CNTNAP5: variants seen among roughly 807,000 people sequenced by gnomAD.
The protein encoded by CNTNAP5 is contactin-associated protein-like 5.
In CNTNAP5, 72 loss-of-function variants were observed where a neutral mutation model predicts 150.2. That is an observed-to-expected ratio of 0.48 (90% CI 0.40 to 0.58). CNTNAP5 has a LOEUF of 0.58. Ranked by LOEUF, CNTNAP5 falls within the 20% of genes least tolerant of loss-of-function variation. The probability of loss-of-function intolerance (pLI) is 0.00; values close to 1 mark genes in which losing one functional copy is unlikely to be tolerated. For missense variants in CNTNAP5, 1,636 were observed against 1,626.2 expected, an observed-to-expected ratio of 1.01 and a Z score of -0.10; for synonymous variants, 672 against 619.8, an observed-to-expected ratio of 1.08 and a Z score of -1.25.
intron 21 of CNTNAP5, among the ~76,000 whole-genome samples, chr2:124,872,352 T>C (rs1677766245): frequency 1.3e-5 from 2 of 150,926 alleles, no homozygotes; most frequent in African/African-American, 2.4e-5. Flanking sequence ...AAATTTTTCC[T>C]GTGGTAACTT....
chr2:124,510,321 C>CTATATATATATATCTATATATA lies in CNTNAP5; in HGVS notation c.1327+5768_1327+5769insATATATATATCTATATATATAT, dbSNP rs1403460082. 6.0e-4 allele frequency among the ~76,000 whole-genome samples: 24 copies of CTATATATATATATCTATATATA among 40,070 alleles called. No homozygotes were observed. In the East Asian group the frequency reaches 0.014, roughly 23 times the overall value. 26.3% of individuals were successfully genotyped at this position (40,070 alleles called of 152,430 possible). ...TATATCTATATATATATCTATATAT[C>CTATATATATATATCTATATATA]TATCTATATATATATCTCCATATGT... is the stretch of plus-strand genomic sequence containing the variant. On this transcript the variant is annotated intron_variant, in intron 8 of 23. Coordinates refer to ENST00000682447, the MANE Select transcript of CNTNAP5 (RefSeq NM_001367498.1).
At chr2:124,124,255 T>C (rs938732612) in intron 1 of CNTNAP5, among the ~76,000 whole-genome samples, 5 of 152,078 alleles carry the variant, frequency 3.3e-5, no homozygotes, top group African/African-American at 7.2e-5. Flanking sequence ...ACGAGAACTA[T>C]GTGACGCATG....
chr2:124,697,603 C>T (rs1679430016), intron 13 of CNTNAP5, among the ~76,000 whole-genome samples: 1 of 129,058 alleles, frequency 7.7e-6, no homozygotes, highest in African/African-American at 3.0e-5. Context: ...AAGGACATCC[C>T]TTAGTTTGAA....
chr2:124,522,139 A>G (rs1415598278), intron 8 of CNTNAP5, among the ~76,000 whole-genome samples: 1 of 152,160 alleles, frequency 6.6e-6, no homozygotes, highest in African/African-American at 2.4e-5. Flanking sequence ...TGTTTCTCCC[A>G]GGGCAGCCTC....
At chr2:124,336,256 C>G (rs955914850) in intron 3 of CNTNAP5, among the ~76,000 whole-genome samples, 1 of 151,836 alleles carries the variant, frequency 6.6e-6, no homozygotes. Flanking sequence ...GTCTTCCCTC[C>G]CTAAAGGGGT....
chr2:124,895,513 A>G (rs1224155857), intron 21 of CNTNAP5, among the ~76,000 whole-genome samples: 1 of 151,514 alleles, frequency 6.6e-6, no homozygotes, highest in Non-Finnish European at 1.5e-5. Flanking sequence ...GTAGTCCCTG[A>G]CACTGGGTTG....
At position 124,087,164 on chromosome 2, in the gene CNTNAP5, C is replaced by T. The variant is rs543488596; in HGVS notation, c.82+61432C>T. On this transcript the variant is annotated intron_variant, in intron 1 of 23. Transcript: ENST00000682447. ...CTCTGCATACACTTAGACTTAGAAG[C>T]ACATTATACGACATTACAATGTTTG... is the stretch of plus-strand genomic sequence containing the variant. Among the ~76,000 whole-genome samples, 10 of 151,848 alleles carry T rather than the reference C, an allele frequency of 6.6e-5. No homozygotes were observed. The South Asian group carries it at 1.5e-3, about 22-fold the overall frequency.
intron 3 of CNTNAP5, among the ~76,000 whole-genome samples, chr2:124,329,335 C>T (rs930898535): frequency 5.9e-5 from 9 of 152,242 alleles, no homozygotes; most frequent in African/African-American, 1.7e-4. Context: ...AAGACTCTTA[C>T]GAAGCAATTT....
intron 7 of CNTNAP5, among the ~76,000 whole-genome samples, chr2:124,491,298 C>T (rs1450964726): frequency 2.6e-5 from 4 of 152,060 alleles, no homozygotes; most frequent in African/African-American, 9.7e-5. Flanking sequence ...CACATATTTG[C>T]CTTTCTATGT....
At chr2:124,349,041 T>C (rs895650068) in intron 3 of CNTNAP5, among the ~76,000 whole-genome samples, 1 of 152,220 alleles carries the variant, frequency 6.6e-6, no homozygotes, top group Admixed American at 6.5e-5. Flanking sequence ...TGAACTTAAC[T>C]AGTAGAGATT....
intron 13 of CNTNAP5, among the ~76,000 whole-genome samples, chr2:124,744,661 G>T (rs1053716528): frequency 1.3e-5 from 2 of 152,088 alleles, no homozygotes; most frequent in Non-Finnish European, 2.9e-5. Context: ...TAAAATATTT[G>T]TAATCATGCT....
intron 13 of CNTNAP5, among the ~76,000 whole-genome samples, chr2:124,711,696 CCAG>C (rs1195045456): frequency 2.0e-5 from 3 of 152,020 alleles, no homozygotes; most frequent in Non-Finnish European, 4.4e-5. Context: ...AAAAAATTAG[CCAG>C]GCAGGGTGGC....
Position 124,481,795 on chromosome 2 carries a change from T to C in CNTNAP5, c.1062+6913T>C, listed in dbSNP as rs1340554085. Among the ~76,000 whole-genome samples the C allele has an allele frequency of 2.0e-5, 3 of 152,348 alleles. No homozygotes were observed. The East Asian group carries it at 5.8e-4, about 29-fold the overall frequency. ...TCTACTGTGTTAAAATTTGAGTTGT[T>C]TGAATTTTTTTCTGCCAAAAATAAT... On this transcript the variant is annotated intron_variant, in intron 7 of 23. Transcript: ENST00000682447.
chr2:124,145,812 T>TAAAAAAAAAAAAAAAAGAAA (rs1684230484), intron 1 of CNTNAP5, among the ~76,000 whole-genome samples: 1 of 64,196 alleles, frequency 1.6e-5, no homozygotes, highest in East Asian at 4.6e-4. Flanking sequence ...AAAAAAACAT[T>TAAAAAAAAAAAAAAAAGAAA]AAAAAAAAAA....
At chr2:124,394,254 C>A (rs1278933648) in intron 3 of CNTNAP5, among the ~76,000 whole-genome samples, 2 of 151,656 alleles carry the variant, frequency 1.3e-5, no homozygotes, top group Non-Finnish European at 2.9e-5. Flanking sequence ...CAACTGTAAT[C>A]CCAGCTACTC....
At chr2:124,093,860 A>G (rs929304356) in intron 1 of CNTNAP5, among the ~76,000 whole-genome samples, 1 of 152,232 alleles carries the variant, frequency 6.6e-6, no homozygotes, top group Non-Finnish European at 1.5e-5. Context: ...TGTATTAATG[A>G]TATCGCAGCC....
chr2:124,422,637 A>G (rs1692135075), intron 4 of CNTNAP5, among the ~76,000 whole-genome samples: 1 of 152,186 alleles, frequency 6.6e-6, no homozygotes, highest in Admixed American at 6.5e-5. Flanking sequence ...TCTAATACCC[A>G]GATACTTTTT....
At chr2:124,189,584 C>A (rs551152806) in intron 1 of CNTNAP5, among the ~76,000 whole-genome samples, 14 of 152,288 alleles carry the variant, frequency 9.2e-5, no homozygotes, top group African/African-American at 3.4e-4. Context: ...AACTCTTGAT[C>A]AAGACAGCCA....
intron 1 of CNTNAP5, among the ~76,000 whole-genome samples, chr2:124,138,199 C>A (rs1301731260): frequency 1.3e-5 from 2 of 152,152 alleles, no homozygotes; most frequent in Non-Finnish European, 2.9e-5. Context: ...GAGGCCCCAG[C>A]ACTGATGAGA....
Sources: gnomAD v4.1 joint callset for allele counts (sites outside exome capture counted in the v4.1 genomes callset) on GRCh38, gnomAD v4.1.1 for gene constraint, MANE v1.5 for transcripts, NCBI Gene and HGNC (gene_info 2026-07-23, HGNC 2026-07-21) for gene names.